MAGI2: variants seen among roughly 807,000 people sequenced by gnomAD.
MAGI2 encodes membrane-associated guanylate kinase, WW and PDZ domain-containing protein 2.
A neutral mutation model predicts 133.3 loss-of-function variants in MAGI2; 35 were observed. The observed-to-expected ratio is 0.26, with a 90% CI of 0.20 to 0.35. The LOEUF (loss-of-function observed/expected upper bound fraction) is 0.35, where lower values mean the gene tolerates loss of function less well. MAGI2 is among the 10% of genes least tolerant of loss of function. The probability of loss-of-function intolerance (pLI) is 1.00; values close to 1 mark genes in which losing one functional copy is unlikely to be tolerated. For missense variants in MAGI2, 1,636 were observed against 1,863.4 expected, an observed-to-expected ratio of 0.88 and a Z score of 2.25; for synonymous variants, 729 against 710.6, an observed-to-expected ratio of 1.03 and a Z score of -0.41.
chr7:78,528,650 C>A (rs757785700), intron 3 of MAGI2, among the ~76,000 whole-genome samples: 1 of 152,070 alleles, frequency 6.6e-6, no homozygotes. Context: ...CTGCAGAATT[C>A]TTTTGTCAAC....
chr7:79,242,321 T>C (rs1396494049), intron 1 of MAGI2, among the ~76,000 whole-genome samples: 1 of 152,146 alleles, frequency 6.6e-6, no homozygotes, highest in Non-Finnish European at 1.5e-5. Flanking sequence ...TTAAGAAGAA[T>C]TAAAATAAAT....
At chr7:78,123,232 T>C (rs1820638227) in intron 20 of MAGI2, among the ~76,000 whole-genome samples, 1 of 152,194 alleles carries the variant, frequency 6.6e-6, no homozygotes, top group African/African-American at 2.4e-5. Context: ...AACCATCTAG[T>C]ATAATAATTA....
chr7:79,103,289 T>C (rs1818152773), intron 1 of MAGI2, among the ~76,000 whole-genome samples: 1 of 152,192 alleles, frequency 6.6e-6, no homozygotes. Context: ...AGGCATCTCT[T>C]TCACCTGAGT....
chr7:78,904,035 G>C (rs549995628), intron 2 of MAGI2: 2 of 152,318 alleles, frequency 1.3e-5, no homozygotes, highest in South Asian at 2.1e-4. Flanking sequence ...TTTGGGGCTT[G>C]TAATAGGTGG....
At chr7:78,604,268 A>AT (rs1474164034) in intron 3 of MAGI2, among the ~76,000 whole-genome samples, 6 of 152,196 alleles carry the variant, frequency 3.9e-5, no homozygotes, top group Non-Finnish European at 8.8e-5. Flanking sequence ...TGGAAGAAGC[A>AT]TGGTGCATTT....
At chr7:78,067,574 C>A (rs1813967370) in intron 21 of MAGI2, among the ~76,000 whole-genome samples, 1 of 152,148 alleles carries the variant, frequency 6.6e-6, no homozygotes, top group South Asian at 2.1e-4. Flanking sequence ...AATGTCTGAG[C>A]CACTTTATAG....
intron 1 of MAGI2, chr7:79,354,164 A>G (rs891653024): frequency 2.0e-5 from 3 of 152,180 alleles, no homozygotes; most frequent in Non-Finnish European, 4.4e-5. Context: ...GGATCTATCA[A>G]CAAGAGACCA....
At chr7:79,344,275 G>A (rs189033377) in intron 1 of MAGI2, among the ~76,000 whole-genome samples, 2 of 152,100 alleles carry the variant, frequency 1.3e-5, no homozygotes, top group African/African-American at 4.8e-5. Flanking sequence ...CTGAAGACCA[G>A]TATTACACTA....
At chr7:79,445,059 T>C (rs1192710343) in intron 1 of MAGI2, among the ~76,000 whole-genome samples, 1 of 152,106 alleles carries the variant, frequency 6.6e-6, no homozygotes, top group Non-Finnish European at 1.5e-5. Flanking sequence ...AAACAAGCAA[T>C]GGGGAAAGGA....
At chr7:79,274,899 T>A (rs1053452583) in intron 1 of MAGI2, among the ~76,000 whole-genome samples, 1 of 152,172 alleles carries the variant, frequency 6.6e-6, no homozygotes, top group African/African-American at 2.4e-5. Context: ...ATTATAATCA[T>A]TTTGGGGCAC....
chr7:78,955,126 C>T (rs963257538), intron 2 of MAGI2, among the ~76,000 whole-genome samples: 13 of 152,060 alleles, frequency 8.5e-5, no homozygotes, highest in African/African-American at 3.1e-4. Context: ...ACTCTTTAGA[C>T]AGGGATCACT....
In MAGI2 at chr7:78,501,736, G is replaced by A; in HGVS notation, c.806C>T (p.Ser269Phe). 1 of 1,614,048 alleles carries A rather than the reference G, an allele frequency of 6.2e-7. No individual in the cohort carries two copies. Among genetic ancestry groups the A allele is most frequent in the Non-Finnish European group, 8.5e-7 (1 of 1,180,022 alleles). Residue 269 changes from serine to phenylalanine, a missense_variant, in exon 5 of 22, where the codon TCC (serine) becomes TTC (phenylalanine). Physicochemically the swap from Ser to Phe is radical, Grantham distance 155. Transcript: ENST00000354212. ...GTACACTGGTGCAGGATAAGGCTGG[G>A]AGGGCATCTCCCCTGAGGCACCTGC... is the stretch of plus-strand genomic sequence containing the variant. The part of the protein sequence containing the change: ...KSAGASGEMP[S>F]QPYPAPVYSQ...
chr7:78,348,840 T>C (rs1791191933), intron 7 of MAGI2, among the ~76,000 whole-genome samples: 1 of 152,200 alleles, frequency 6.6e-6, no homozygotes, highest in Non-Finnish European at 1.5e-5. Flanking sequence ...GGGAGATCAA[T>C]AGAATTGATA....
chr7:79,136,072 A>AGAAAGAAAGAAAGAAG (rs1585016085), intron 1 of MAGI2, among the ~76,000 whole-genome samples: 116 of 43,006 alleles, frequency 2.7e-3, no homozygotes, highest in African/African-American at 7.4e-3. Context: ...AAAGAAGGAA[A>AGAAAGAAAGAAAGAAG]GAAAGAAAGA....
chr7:78,491,533 A>G (rs937794913), intron 5 of MAGI2, among the ~76,000 whole-genome samples: 3 of 152,104 alleles, frequency 2.0e-5, no homozygotes, highest in African/African-American at 7.2e-5. Flanking sequence ...TAATAAATTG[A>G]TCGGATAAAG....
At chr7:78,558,736 C>T (rs1293737684) in intron 3 of MAGI2, among the ~76,000 whole-genome samples, 1 of 151,976 alleles carries the variant, frequency 6.6e-6, no homozygotes, top group Non-Finnish European at 1.5e-5. Context: ...TTGTAATAGT[C>T]CCAGCTGTGA....
At chr7:78,332,424 C>T (rs556215167) in intron 9 of MAGI2, among the ~76,000 whole-genome samples, 87 of 152,304 alleles carry the variant, frequency 5.7e-4, no homozygotes, top group African/African-American at 2.0e-3. Context: ...GTAGGCTGGG[C>T]GCAGTGGCTC....
intron 21 of MAGI2, among the ~76,000 whole-genome samples, chr7:78,075,471 G>C (rs1019897150): frequency 6.7e-6 from 1 of 149,716 alleles, no homozygotes; most frequent in Non-Finnish European, 1.5e-5. Context: ...CTGCCTCCCA[G>C]GTTCATGCCA....
rs768070063 is a variant in MAGI2 at position 78,489,750 on chromosome 7, T to TA, written c.1045+10dup. 11 of 1,603,420 alleles carry TA rather than the reference T, an allele frequency of 6.9e-6. No homozygotes were observed. In the South Asian group the frequency reaches 1.2e-4, roughly 18 times the overall value. The stretch of plus-strand genomic sequence containing the variant: ...ACATTGCTGAAACACCATAAAAACT[T>TA]AATAACCTACCATTTTCTTTGCACT... On this transcript the variant is annotated intron_variant, in intron 6 of 21. Transcript: ENST00000354212.
Sources: allele counts gnomAD v4.1 joint callset (sites outside exome capture counted in the v4.1 genomes callset), GRCh38; gene constraint gnomAD v4.1.1; transcripts MANE v1.5; gene names NCBI Gene and HGNC (gene_info 2026-07-23, HGNC 2026-07-21).